LRIG3: variants seen among roughly 807,000 people sequenced by gnomAD.
LRIG3 encodes leucine-rich repeats and immunoglobulin-like domains protein 3.
LRIG3 carries 76 observed loss-of-function variants against 114.5 expected under a neutral mutation model. The observed-to-expected ratio is 0.66, with a 90% CI of 0.55 to 0.80. The LOEUF (loss-of-function observed/expected upper bound fraction) is 0.80, where lower values mean the gene tolerates loss of function less well. Ranked by LOEUF, LRIG3 falls within the 30% of genes least tolerant of loss-of-function variation. LRIG3 has a pLI of 0.00. For synonymous variants in LRIG3, 512 were observed against 519.8 expected, an observed-to-expected ratio of 0.98 and a Z score of 0.20; for missense variants, 1,239 against 1,382.8, an observed-to-expected ratio of 0.90 and a Z score of 1.65.
chr12:58,873,065 T>TCATTAA (rs2120860946), intron 18 of LRIG3, among the ~76,000 whole-genome samples: 1 of 152,328 alleles, frequency 6.6e-6, no homozygotes, highest in South Asian at 2.1e-4. Flanking sequence ...TTATCATTTC[T>TCATTAA]CATGACCTGT....
intron 1 of LRIG3, among the ~76,000 whole-genome samples, chr12:58,915,422 A>T (rs1336426039): frequency 6.6e-6 from 1 of 152,000 alleles, no homozygotes; most frequent in African/African-American, 2.4e-5. Context: ...CTCCTAAAAA[A>T]TAAATAAAGA....
chr12:58,878,057 T>C (rs1482133892), intron 14 of LRIG3, among the ~76,000 whole-genome samples: 3 of 152,198 alleles, frequency 2.0e-5, no homozygotes, highest in African/African-American at 7.2e-5. Context: ...CAGTTAAGGA[T>C]AATATCTACT....
At chr12:58,878,202 TA>T (rs556905539) in intron 14 of LRIG3, among the ~76,000 whole-genome samples, 3 of 151,892 alleles carry the variant, frequency 2.0e-5, no homozygotes, top group Non-Finnish European at 4.4e-5. Flanking sequence ...TGTTGATAAA[TA>T]AAAAAAATCA....
At chr12:58,883,177 T>A in intron 11 of LRIG3, 145 bp from the exon 12 acceptor site, 1 of 770,182 alleles carries the variant, frequency 1.3e-6, no homozygotes, top group Non-Finnish European at 2.0e-6. Flanking sequence ...CAGTCCATTT[T>A]AAAATACAAG....
At chr12:58,907,694 T>C (rs1872118193) in intron 3 of LRIG3, among the ~76,000 whole-genome samples, 1 of 152,188 alleles carries the variant, frequency 6.6e-6, no homozygotes, top group Non-Finnish European at 1.5e-5. Flanking sequence ...AAAAGTTAAT[T>C]AAGTCTGTCT....
chr12:58,881,441 C>G (rs1400783852), intron 12 of LRIG3, among the ~76,000 whole-genome samples: 1 of 140,722 alleles, frequency 7.1e-6, no homozygotes, highest in Non-Finnish European at 1.5e-5. Context: ...AAAAAAAAAG[C>G]TGATAGCAAA....
intron 3 of LRIG3, among the ~76,000 whole-genome samples, chr12:58,904,330 T>C (rs1365904740): frequency 6.6e-6 from 1 of 152,128 alleles, no homozygotes; most frequent in Non-Finnish European, 1.5e-5. Flanking sequence ...ATCCCAGTCA[T>C]GAAAAGAAAC....
chr12:58,912,886 G>A (rs1339346047), intron 3 of LRIG3, among the ~76,000 whole-genome samples: 1 of 152,196 alleles, frequency 6.6e-6, no homozygotes, highest in Non-Finnish European at 1.5e-5. Context: ...TTTAAATACA[G>A]TGTTTATTTG....
chr12:58,917,685 T>A (rs1156593375), intron 1 of LRIG3, among the ~76,000 whole-genome samples: 1 of 152,114 alleles, frequency 6.6e-6, no homozygotes, highest in African/African-American at 2.4e-5. Flanking sequence ...AACTTGCAAA[T>A]TCAACAAATG....
At chr12:58,903,288 T>C (rs1251605052) in intron 3 of LRIG3, among the ~76,000 whole-genome samples, 9 of 152,348 alleles carry the variant, frequency 5.9e-5, no homozygotes, top group African/African-American at 1.9e-4. Context: ...TGGTATCTCA[T>C]TGTGGTTTTG....
chr12:58,895,047 G>A (rs1871592213), intron 3 of LRIG3, among the ~76,000 whole-genome samples: 1 of 152,314 alleles, frequency 6.6e-6, no homozygotes, highest in South Asian at 2.1e-4. Flanking sequence ...AGCTTCTCGG[G>A]TCCAGTGATA....
At chr12:58,875,554 A>G (rs1377311730) in intron 16 of LRIG3, among the ~76,000 whole-genome samples, 1 of 152,220 alleles carries the variant, frequency 6.6e-6, no homozygotes, top group African/African-American at 2.4e-5. Context: ...TGAGCCCTTA[A>G]TATGTGCCTA....
At chr12:58,892,167 G>T (rs1871477698) in intron 3 of LRIG3, among the ~76,000 whole-genome samples, 1 of 152,140 alleles carries the variant, frequency 6.6e-6, no homozygotes. Context: ...GGATGTGCAA[G>T]CCATCATAAT....
At chr12:58,895,620 C>A (rs1292314240) in intron 3 of LRIG3, among the ~76,000 whole-genome samples, 2 of 152,214 alleles carry the variant, frequency 1.3e-5, no homozygotes, top group Non-Finnish European at 2.9e-5. Flanking sequence ...AGACATTTGA[C>A]CTTTATCTCA....
At position 58,888,485 on chromosome 12, in the gene LRIG3, T is replaced by C; in HGVS notation, c.804-13A>G. The C allele has an allele frequency of 6.2e-7, 1 of 1,611,056 alleles. No homozygotes were observed. The highest frequency in any genetic ancestry group is 2.2e-5 in the East Asian group (1 of 44,792). On this transcript the variant is annotated splice_polypyrimidine_tract_variant and intron_variant, in intron 6 of 18. Coordinates refer to ENST00000320743, the MANE Select transcript of LRIG3 (RefSeq NM_153377.5). ...ATGGTCCAGCTGCCTACATTTACAG[T>C]AAGAATCAAAAGCAGGATCAAAACT...
rs1870923951 is a variant in LRIG3 at position 58,876,546 on chromosome 12, G to A, written c.2594C>T (p.Ala865Val). 6.2e-7 allele frequency: 1 copy of A among 1,614,048 alleles called. No homozygotes were observed. Among genetic ancestry groups the A allele is most frequent in the African/African-American group, 1.3e-5 (1 of 74,920 alleles). Reference sequence around the variant, plus strand: ...AGACACGTACCCATCCTGCCTGTCAGCTAACGTTCCCTGAGATGACAAATA... The same window carrying A: ...AGACACGTACCCATCCTGCCTGTCAACTAACGTTCCCTGAGATGACAAATA... The part of the protein sequence containing the change: ...PSYLSSQGTL[A>V]DRQDGYVSSE... Residue 865 changes from alanine to valine, a missense_variant, in exon 16 of 19, where the codon GCT becomes GTT. Transcript: ENST00000320743.
rs1194881554 is a variant in LRIG3, at chr12:58,877,493, C to A, written c.2443G>T (p.Val815Leu). 1 of 1,614,098 alleles carries A rather than the reference C, an allele frequency of 6.2e-7. No homozygotes were observed. Among genetic ancestry groups the A allele is most frequent in the South Asian group, 1.1e-5 (1 of 91,090 alleles). ...GACGTGCCCACCACACAGCAAACCACGGCTATGATCACGACACCCACAGTG... is the reference window on the plus strand; with the variant it reads ...GACGTGCCCACCACACAGCAAACCAAGGCTATGATCACGACACCCACAGTG... ...WATVGVVIIA[V>L]VCCVVGTSLV... Residue 815 changes from valine to leucine, a missense_variant, in exon 15 of 19, where the codon GTG (valine) becomes TTG (leucine). By Grantham distance (32) the Val-to-Leu change is conservative (BLOSUM62 1). Coordinates refer to ENST00000320743, the MANE Select transcript of LRIG3 (RefSeq NM_153377.5).
intron 3 of LRIG3, among the ~76,000 whole-genome samples, chr12:58,912,395 C>A (rs1872317474): frequency 6.6e-6 from 1 of 152,038 alleles, no homozygotes; most frequent in Admixed American, 6.6e-5. Flanking sequence ...ACTTGGGAGG[C>A]TGAGGCAGGA....
chr12:58,889,895 T>A, intron 5 of LRIG3, 101 bp downstream of exon 5: 1 of 1,416,406 alleles, frequency 7.1e-7, no homozygotes, highest in African/African-American at 1.4e-5. Context: ...AGCTACATCC[T>A]TGCTCCTAAA....
Sources: allele counts gnomAD v4.1 joint callset (sites outside exome capture counted in the v4.1 genomes callset), GRCh38; gene constraint gnomAD v4.1.1; transcripts MANE v1.5; gene names NCBI Gene and HGNC (gene_info 2026-07-23, HGNC 2026-07-21).